The following SPOCK1 variants were observed in gnomAD, a reference collection of about 807,000 sequenced individuals.
The protein encoded by SPOCK1 is SPARC (osteonectin), cwcv and kazal like domains proteoglycan 1.
Under a neutral mutation model 55.3 loss-of-function variants are expected in SPOCK1, and 23 were observed. The ratio of observed to expected loss-of-function variants is 0.42; its 90% CI spans 0.30 to 0.59. SPOCK1 has a LOEUF of 0.59. SPOCK1 is among the 20% of genes least tolerant of loss of function. The probability of loss-of-function intolerance (pLI) is 0.22; values close to 1 mark genes in which losing one functional copy is unlikely to be tolerated. For missense variants in SPOCK1, 499 were observed against 552.5 expected (o/e 0.90, Z 0.97); for synonymous variants, 226 against 221.0 (o/e 1.02, Z -0.20).
At chr5:137,326,702 A>T (rs1401461016) in intron 2 of SPOCK1, among the ~76,000 whole-genome samples, 4 of 152,222 alleles carry the variant, frequency 2.6e-5, no homozygotes, top group Non-Finnish European at 5.9e-5. Context: ...AGATCTTGTT[A>T]AACCTGCCAA....
At chr5:137,094,605 T>C (rs931889791) in intron 5 of SPOCK1, among the ~76,000 whole-genome samples, 1 of 152,246 alleles carries the variant, frequency 6.6e-6, no homozygotes, top group Non-Finnish European at 1.5e-5. Context: ...CACCTGAGCC[T>C]TCAGAAAGTC....
chr5:137,064,536 T>C (rs1000214289), intron 6 of SPOCK1, among the ~76,000 whole-genome samples: 1 of 152,128 alleles, frequency 6.6e-6, no homozygotes, highest in African/African-American at 2.4e-5. Flanking sequence ...GTGGACACCA[T>C]GCCCACTGCC....
At chr5:137,487,169 G>A (rs1358026980) in intron 2 of SPOCK1, among the ~76,000 whole-genome samples, 4 of 151,988 alleles carry the variant, frequency 2.6e-5, no homozygotes, top group Non-Finnish European at 2.9e-5. Flanking sequence ...TTAATTAAAG[G>A]AAATTCAAGC....
chr5:137,160,843 C>T (rs920468865), intron 3 of SPOCK1, among the ~76,000 whole-genome samples: 6 of 143,602 alleles, frequency 4.2e-5, no homozygotes, highest in South Asian at 4.3e-4. Flanking sequence ...AATGTAACTA[C>T]CATTTGATCC....
intron 2 of SPOCK1, among the ~76,000 whole-genome samples, chr5:137,361,268 T>C (rs1019473066): frequency 3.3e-5 from 5 of 152,206 alleles, no homozygotes; most frequent in Admixed American, 1.3e-4. Context: ...GTCTATGGTA[T>C]TTTGTTATAG....
At chr5:137,295,937 T>C (rs115717687) in intron 2 of SPOCK1, among the ~76,000 whole-genome samples, 3,377 of 152,306 alleles carry the variant, frequency 0.022, 133 homozygotes, top group African/African-American at 0.078. Flanking sequence ...TGAATGTTTG[T>C]GTCTCCCCCA....
rs1244186545 is a variant in SPOCK1, at chr5:137,306,804, T to C, written c.187-39749A>G. Among the ~76,000 whole-genome samples the C allele has an allele frequency of 2.6e-5, 4 of 152,160 alleles. No individual in the cohort carries two copies. In the South Asian group the frequency reaches 8.3e-4, roughly 32 times the overall value. ...TTATTTTCTCAGCCTAAACAACACA[T>C]AATTTTACTCCTAAGCGTGTATATA... On this transcript the variant is annotated intron_variant, in intron 2 of 10. Transcript: ENST00000394945.
intron 3 of SPOCK1, among the ~76,000 whole-genome samples, chr5:137,243,534 A>G (rs1043668383): frequency 6.6e-6 from 1 of 152,180 alleles, no homozygotes; most frequent in Non-Finnish European, 1.5e-5. Context: ...AGTTTCTAAG[A>G]TAATGGAAGA....
intron 2 of SPOCK1, among the ~76,000 whole-genome samples, chr5:137,333,096 G>A (rs1157548725): frequency 6.6e-6 from 1 of 152,188 alleles, no homozygotes; most frequent in African/African-American, 2.4e-5. Flanking sequence ...TTGGGCCTGG[G>A]AGTCTGTGGT....
intron 3 of SPOCK1, among the ~76,000 whole-genome samples, chr5:137,197,524 T>A (rs993354913): frequency 6.6e-6 from 1 of 152,188 alleles, no homozygotes; most frequent in Non-Finnish European, 1.5e-5. Context: ...TAAGATAATG[T>A]GTGTGACATG....
intron 2 of SPOCK1, among the ~76,000 whole-genome samples, chr5:137,476,203 CT>C (rs1462861464): frequency 1.3e-5 from 2 of 152,056 alleles, no homozygotes; most frequent in African/African-American, 4.8e-5. Context: ...CCTCCACTCT[CT>C]GGTAGGGCCC....
intron 2 of SPOCK1, among the ~76,000 whole-genome samples, chr5:137,404,437 T>A (rs544404982): frequency 6.8e-6 from 1 of 146,230 alleles, no homozygotes; most frequent in African/African-American, 2.6e-5. Flanking sequence ...TGAGACAGAG[T>A]CTTGCACTGT....
intron 2 of SPOCK1, among the ~76,000 whole-genome samples, chr5:137,389,282 G>A (rs1363558578): frequency 2.0e-5 from 3 of 152,202 alleles, no homozygotes; most frequent in Non-Finnish European, 2.9e-5. Context: ...GTCCCCTCAG[G>A]AGCTGATATG....
Position 136,985,148 on chromosome 5 carries a change from CT to C in SPOCK1, c.982del (p.Ser328AlafsTer47). Reference sequence around the variant, plus strand: ...CAAGAAATTGTACTTACCCAACAGGCTTTTCCCCTTACTCAGCTTCTGAATT... The same window carrying C: ...CAAGAAATTGTACTTACCCAACAGGCTTTCCCCTTACTCAGCTTCTGAATT... ...NRIQKLSKGK[S>X]LLGAFIPRCN... On this transcript the variant is annotated frameshift_variant, in exon 9 of 11. Transcript: ENST00000394945. LOFTEE classifies it high-confidence loss of function. 1 of 1,614,130 alleles carries C rather than the reference CT, an allele frequency of 6.2e-7. No homozygotes were observed.
chr5:137,345,361 T>G (rs1334889044), intron 2 of SPOCK1, among the ~76,000 whole-genome samples: 1 of 152,232 alleles, frequency 6.6e-6, no homozygotes, highest in African/African-American at 2.4e-5. Context: ...TTCCTGTTTA[T>G]GGGGTGAGCC....
intron 2 of SPOCK1, among the ~76,000 whole-genome samples, chr5:137,407,294 C>G (rs1375746847): frequency 1.3e-5 from 2 of 152,212 alleles, no homozygotes; most frequent in Non-Finnish European, 2.9e-5. Flanking sequence ...ACGCTGTGCT[C>G]TTTAAGCTGC....
At chr5:137,077,319 G>A (rs1275989592) in intron 5 of SPOCK1, among the ~76,000 whole-genome samples, 1 of 152,206 alleles carries the variant, frequency 6.6e-6, no homozygotes, top group African/African-American at 2.4e-5. Flanking sequence ...GAGGGGTTTG[G>A]CAAAGCCTTT....
At chr5:137,336,274 TC>T (rs889649660) in intron 2 of SPOCK1, among the ~76,000 whole-genome samples, 11 of 152,198 alleles carry the variant, frequency 7.2e-5, no homozygotes, top group African/African-American at 2.7e-4. Context: ...TCAGCATTTT[TC>T]TACCATTGAC....
At chr5:137,449,886 CAAAAAAAAAAAAAA>C (rs562723108) in intron 2 of SPOCK1, among the ~76,000 whole-genome samples, 16 of 52,916 alleles carry the variant, frequency 3.0e-4, no homozygotes, top group African/African-American at 9.5e-4. Context: ...GATGCTGTCT[CAAAAAAAAAAAAAA>C]AAAAAAAAAA....
Sources: gnomAD v4.1 joint callset for allele counts (sites outside exome capture counted in the v4.1 genomes callset) on GRCh38, gnomAD v4.1.1 for gene constraint, MANE v1.5 for transcripts, NCBI Gene and HGNC (gene_info 2026-07-23, HGNC 2026-07-21) for gene names.